The following HIVEP3 variants were observed in gnomAD, a reference collection of about 807,000 sequenced individuals.
HIVEP3 encodes HIVEP zinc finger 3.
A neutral mutation model predicts 152.8 loss-of-function variants in HIVEP3; 49 were observed. That is an observed-to-expected ratio of 0.32 (90% confidence interval 0.26 to 0.41). The LOEUF (loss-of-function observed/expected upper bound fraction) is 0.41, where lower values mean the gene tolerates loss of function less well. HIVEP3 is among the 10% of genes least tolerant of loss of function. The pLI, the probability that HIVEP3 is intolerant of heterozygous loss-of-function variation, is 1.00. For synonymous variants in HIVEP3, 1,269 were observed against 1,289.0 expected, an observed-to-expected ratio of 0.98 and a Z score of 0.33; for missense variants, 2,790 against 3,103.3, an observed-to-expected ratio of 0.90 and a Z score of 2.40.
intron 1 of HIVEP3, among the ~76,000 whole-genome samples, chr1:41,936,490 A>T (rs1645021024): frequency 1.3e-5 from 2 of 152,248 alleles, no homozygotes; most frequent in Admixed American, 1.3e-4. Context: ...TGTCAACAAG[A>T]AGTAGTTCCA....
At chr1:41,640,767 TCA>T (rs1270971483) in intron 2 of HIVEP3, among the ~76,000 whole-genome samples, 2 of 152,210 alleles carry the variant, frequency 1.3e-5, no homozygotes, top group Non-Finnish European at 2.9e-5. Context: ...CTGCATTTTT[TCA>T]CAGTCATACT....
At chr1:41,648,674 G>C (rs1194632518) in intron 2 of HIVEP3, among the ~76,000 whole-genome samples, 1 of 152,234 alleles carries the variant, frequency 6.6e-6, no homozygotes, top group African/African-American at 2.4e-5. Context: ...ATATGGAGGG[G>C]GGTTACATGA....
chr1:41,599,286 C>T (rs1321774156), intron 3 of HIVEP3, among the ~76,000 whole-genome samples: 1 of 152,068 alleles, frequency 6.6e-6, no homozygotes, highest in African/African-American at 2.4e-5. Flanking sequence ...GGCCTGAATA[C>T]AAAAGATTAA....
Position 41,853,470 on chromosome 1 carries a change from C to G in HIVEP3, c.-801+64943G>C, listed in dbSNP as rs1034677911. On this transcript the variant is annotated intron_variant, in intron 1 of 8. Coordinates refer to ENST00000372583, the MANE Select transcript of HIVEP3 (RefSeq NM_024503.5). The stretch of plus-strand genomic sequence containing the variant: ...AGGAACTACCAAACAATTATAAAAC[C>G]ATCAGATATTTCGAGAACTCACTAT... Among the ~76,000 whole-genome samples the G allele has an allele frequency of 2.6e-5, 4 of 152,188 alleles. 1 individual carries two copies. Among genetic ancestry groups the G allele is most frequent in the Middle Eastern group, 3.4e-3 (1 of 294 alleles).
chr1:41,708,225 T>G (rs1293469511), intron 1 of HIVEP3, among the ~76,000 whole-genome samples: 1 of 152,188 alleles, frequency 6.6e-6, no homozygotes, highest in Non-Finnish European at 1.5e-5. Flanking sequence ...GCAGTTGAGA[T>G]TGTACATCGT....
chr1:41,857,741 C>A (rs559163729), intron 1 of HIVEP3, among the ~76,000 whole-genome samples: 1 of 152,338 alleles, frequency 6.6e-6, no homozygotes, highest in African/African-American at 2.4e-5. Flanking sequence ...CAAAGTCATG[C>A]AGAAGGAAAG....
At chr1:41,993,972 G>A (rs1055591014) in intron 1 of HIVEP3, among the ~76,000 whole-genome samples, 1 of 141,888 alleles carries the variant, frequency 7.0e-6, no homozygotes, top group African/African-American at 2.6e-5. Flanking sequence ...GACACAGGAA[G>A]GGGAACATCA....
intron 1 of HIVEP3, among the ~76,000 whole-genome samples, chr1:41,900,527 G>A (rs812487): frequency 0.53 from 80,458 of 151,770 alleles, 21,524 homozygotes; most frequent in Middle Eastern, 0.58. Flanking sequence ...TTCAGACAAC[G>A]TACCCCCTTA....
chr1:41,540,819 C>T (rs1643511886), intron 5 of HIVEP3, among the ~76,000 whole-genome samples: 1 of 152,108 alleles, frequency 6.6e-6, no homozygotes, highest in Non-Finnish European at 1.5e-5. Context: ...GTGAGCTCCC[C>T]AACAGGTCTA....
chr1:41,736,471 C>G lies in HIVEP3; in HGVS notation c.-800-35476G>C, dbSNP rs147411017. Among the ~76,000 whole-genome samples the G allele has an allele frequency of 6.0e-3, 915 of 152,298 alleles. 10 individuals are homozygous for G. Among genetic ancestry groups the G allele is most frequent in the African/African-American group, 0.021 (860 of 41,570 alleles). ...AAGGAAGGTAGGGCCACTGCTCCCCCAGCTCCTTCTGCCACAGAAAACAGC... is the reference window on the plus strand; with the variant it reads ...AAGGAAGGTAGGGCCACTGCTCCCCGAGCTCCTTCTGCCACAGAAAACAGC... On this transcript the variant is annotated intron_variant, in intron 1 of 8. Transcript: ENST00000372583.
intron 1 of HIVEP3, among the ~76,000 whole-genome samples, chr1:41,888,774 C>T (rs1055065588): frequency 8.3e-6 from 1 of 120,756 alleles, no homozygotes; most frequent in African/African-American, 3.2e-5. Flanking sequence ...CATGCGCACC[C>T]CCACATACCT....
At chr1:42,033,750 C>T (rs1156596189) in intron 1 of HIVEP3, among the ~76,000 whole-genome samples, 1 of 152,214 alleles carries the variant, frequency 6.6e-6, no homozygotes, top group African/African-American at 2.4e-5. Flanking sequence ...TTCTCCTCCC[C>T]ACCGTGCAGA....
chr1:41,753,098 A>G (rs557624440), intron 1 of HIVEP3, among the ~76,000 whole-genome samples: 2 of 152,254 alleles, frequency 1.3e-5, no homozygotes, highest in African/African-American at 4.8e-5. Flanking sequence ...ACGTGAGAAC[A>G]GTGGCAGGTA....
intron 1 of HIVEP3, among the ~76,000 whole-genome samples, chr1:41,701,865 A>G (rs1158073303): frequency 1.3e-5 from 2 of 151,994 alleles, no homozygotes; most frequent in Admixed American, 1.3e-4. Flanking sequence ...CCATTCATTC[A>G]ATATTCATTC....
intron 1 of HIVEP3, among the ~76,000 whole-genome samples, chr1:41,979,222 C>T (rs1477112815): frequency 6.6e-6 from 1 of 152,178 alleles, no homozygotes; most frequent in Non-Finnish European, 1.5e-5. Context: ...CACTGTTATC[C>T]ACCCTCTGGC....
intron 1 of HIVEP3, among the ~76,000 whole-genome samples, chr1:41,960,611 C>T (rs1363294673): frequency 1.3e-5 from 2 of 152,198 alleles, no homozygotes; most frequent in African/African-American, 4.8e-5. Flanking sequence ...CTAGTTTCTT[C>T]TCTGTCCTAT....
chr1:41,767,624 G>C (rs956378466), intron 1 of HIVEP3, among the ~76,000 whole-genome samples: 1 of 152,216 alleles, frequency 6.6e-6, no homozygotes, highest in Non-Finnish European at 1.5e-5. Flanking sequence ...CATTTTTGCT[G>C]TGCTTCCCAG....
chr1:41,874,427 C>T (rs1040255749), intron 1 of HIVEP3, among the ~76,000 whole-genome samples: 5 of 152,192 alleles, frequency 3.3e-5, no homozygotes, highest in African/African-American at 1.2e-4. Context: ...TCTTCCTCTT[C>T]CTGGGCCTGG....
Position 41,581,506 on chromosome 1 carries a change from G to A in HIVEP3, c.3292C>T (p.Pro1098Ser), listed in dbSNP as rs765578873. Residue 1098 changes from proline (P) to serine (S), a missense_variant, in exon 4 of 9, where the codon CCC becomes TCC. Around this residue, in one of 9 missense-constraint regions of HIVEP3, gnomAD observed 1,078 missense variants for 1,165.3 expected, o/e 0.93. Transcript: ENST00000372583. This position sits in a 1 kb window ranked among gnomAD's most constrained non-coding sequence, Gnocchi z 4.5. ...TGCCCTGGGCCCTTGCCTCCCGGGG[G>A]TCCACCATGTGAGGTGGCCGCAGAG... ...ISSAATSHGG[P>S]PGGKGPGQDR... 3.2e-6 allele frequency: 5 copies of A among 1,580,104 alleles called. No individual in the cohort carries two copies. In the South Asian group the frequency reaches 3.6e-5, roughly 11 times the overall value.
Sources: gnomAD v4.1 joint callset for allele counts (sites outside exome capture counted in the v4.1 genomes callset) on GRCh38, gnomAD v4.1.1 for gene constraint, gnomAD v4.1.1 regional missense constraint, Gnocchi (gnomAD v3.1) non-coding constraint, MANE v1.5 for transcripts, NCBI Gene and HGNC (gene_info 2026-07-23, HGNC 2026-07-21) for gene names.